Variants in MYOT observed in about 807,000 individuals in gnomAD.
MYOT encodes the protein myotilin.
Under a neutral mutation model 58.0 loss-of-function variants are expected in MYOT, and 36 were observed. The ratio of observed to expected loss-of-function variants is 0.62; its 90% CI spans 0.48 to 0.82. The LOEUF is 0.82. MYOT is among the 40% of genes least tolerant of loss of function. The probability of loss-of-function intolerance (pLI) is 0.00; values close to 1 mark genes in which losing one functional copy is unlikely to be tolerated. For synonymous variants in MYOT, 218 were observed against 204.6 expected (o/e 1.07, Z -0.56); for missense variants, 505 against 592.1 (o/e 0.85, Z 1.53).
Position 137,880,880 on chromosome 5 carries a change from T to C in MYOT, c.683+15T>C. ...TCACAAGTAAGGTAAAAAATTTTAA[T>C]TTTAAAGAAATGTATGTTTTCCTAT... On this transcript the variant is annotated intron_variant, in intron 5 of 9. Coordinates refer to ENST00000239926, the MANE Select transcript of MYOT (RefSeq NM_006790.3). The C allele has an allele frequency of 6.4e-7, 1 of 1,563,668 alleles. No individual in the cohort carries two copies. The highest frequency in any genetic ancestry group is 1.4e-5 in the African/African-American group (1 of 73,804).
intron 7 of MYOT, among the ~76,000 whole-genome samples, chr5:137,885,771 CAAAAAAAAAAAAAA>C (rs71583286): frequency 1.1e-3 from 34 of 30,976 alleles, no homozygotes; most frequent in Non-Finnish European, 1.6e-3. Context: ...GACTCTGTCT[CAAAAAAAAAAAAAA>C]AAAAAAAAAA....
In MYOT at chr5:137,880,868, A is replaced by G; in HGVS notation, c.683+3A>G. On this transcript the variant is annotated splice_donor_region_variant and intron_variant, in intron 5 of 9. Transcript: ENST00000239926. Reference sequence around the variant, plus strand: ...CAAGTTCCTACATCACAAGTAAGGTAAAAAATTTTAATTTTAAAGAAATGT... The same window carrying G: ...CAAGTTCCTACATCACAAGTAAGGTGAAAAATTTTAATTTTAAAGAAATGT... 3 of 1,592,184 alleles carry G rather than the reference A, an allele frequency of 1.9e-6. No individual in the cohort carries two copies. Among genetic ancestry groups the G allele is most frequent in the African/African-American group, 1.3e-5 (1 of 74,492 alleles).
At chr5:137,881,274 T>C (rs189985144) in intron 5 of MYOT, among the ~76,000 whole-genome samples, 3 of 152,370 alleles carry the variant, frequency 2.0e-5, no homozygotes, top group African/African-American at 2.4e-5. Context: ...CTACCATTTC[T>C]AATAGTCATC....
chr5:137,885,499 C>T (rs1379607820), intron 7 of MYOT, among the ~76,000 whole-genome samples: 1 of 151,966 alleles, frequency 6.6e-6, no homozygotes, highest in Admixed American at 6.6e-5. Flanking sequence ...GGGCCAGGCA[C>T]GGTGGCTCAT....
At chr5:137,874,170 A>G (rs1351926347) in intron 2 of MYOT, among the ~76,000 whole-genome samples, 1 of 152,196 alleles carries the variant, frequency 6.6e-6, no homozygotes, top group Non-Finnish European at 1.5e-5. Context: ...AGATTAATAA[A>G]GATTAGTCCC....
intron 7 of MYOT, among the ~76,000 whole-genome samples, chr5:137,885,322 T>TA (rs1222366367): frequency 6.6e-6 from 1 of 152,004 alleles, no homozygotes; most frequent in Non-Finnish European, 1.5e-5. Flanking sequence ...GATTTTTTTT[T>TA]TATAACAATA....
At chr5:137,878,628 T>C (rs1298974013) in intron 4 of MYOT, among the ~76,000 whole-genome samples, 1 of 151,860 alleles carries the variant, frequency 6.6e-6, no homozygotes, top group Admixed American at 6.6e-5. Flanking sequence ...ATCGAGGGGA[T>C]GCTGGCCAAA....
At position 137,886,870 on chromosome 5, in the gene MYOT, T is replaced by C. The variant is rs368763305; in HGVS notation, c.1197T>C (p.Tyr399=). 1 of 1,562,952 alleles carries C rather than the reference T, an allele frequency of 6.4e-7. No individual in the cohort carries two copies. The highest frequency in any genetic ancestry group is 1.7e-5 in the Admixed American group (1 of 59,890). ...TTAAAAATTTTTATTTCAGCTTATA[T>C]CAAGATAACACTGGAAGAGTTACTT... The part of the protein sequence containing the change: ...VQFNTDRISL[Y]QDNTGRVTLL... Residue 399 remains tyrosine (Y), a synonymous_variant, in exon 9 of 10, where the codon TAT becomes TAC. Transcript: ENST00000239926.
chr5:137,872,536 G>A (rs1755082483), intron 2 of MYOT, among the ~76,000 whole-genome samples: 1 of 152,186 alleles, frequency 6.6e-6, no homozygotes, highest in Non-Finnish European at 1.5e-5. Context: ...ATCCACTTTA[G>A]CTGTTCCATT....
chr5:137,887,111 G>C (rs776797523), intron 9 of MYOT, 102 bp from the exon 10 acceptor site: 42 of 1,560,666 alleles, frequency 2.7e-5, no homozygotes, highest in Non-Finnish European at 3.5e-5. Flanking sequence ...TATATAATCA[G>C]TTTTGGTTCT....
chr5:137,886,933 G>T lies in MYOT; in HGVS notation c.1260G>T (p.Trp420Cys). The change falls in exon 9 of 10, where the codon TGG (tryptophan) becomes TGT (cysteine). Residue 420 changes from tryptophan to cysteine, a missense_variant. Transcript: ENST00000239926. ...IKDVNKKDAG[W>C]YTVSAVNEAG... ...ATGTAAACAAGAAAGATGCTGGGTGGTATACTGTGTCAGCAGTTAATGAAG... is the reference window on the plus strand; with the variant it reads ...ATGTAAACAAGAAAGATGCTGGGTGTTATACTGTGTCAGCAGTTAATGAAG... 6.2e-7 allele frequency: 1 copy of T among 1,607,802 alleles called. No individual in the cohort carries two copies. Among genetic ancestry groups the T allele is most frequent in the Middle Eastern group, 1.7e-4 (1 of 6,056 alleles).
Position 137,870,877 on chromosome 5 carries a change from C to A in MYOT, c.226C>A (p.His76Asn). Residue 76 changes from histidine to asparagine, a missense_variant, in exon 2 of 10, where the codon CAT becomes AAT. Transcript: ENST00000239926. ...SSAFPASPQQHAGSNPGQRVT... is the reference protein window; with the variant it reads ...SSAFPASPQQNAGSNPGQRVT... ...TGCTTTCCCTGCTTCTCCCCAGCAG[C>A]ATGCTGGCTCCAACCCAGGCCAAAG... The A allele has an allele frequency of 6.2e-7, 1 of 1,614,192 alleles. No homozygotes were observed. Among genetic ancestry groups the A allele is most frequent in the Non-Finnish European group, 8.5e-7 (1 of 1,180,012 alleles).
At chr5:137,883,039 T>C (rs1452602560) in intron 6 of MYOT, 15 of 269,876 alleles carry the variant, frequency 5.6e-5, no homozygotes, top group South Asian at 8.5e-5. Context: ...GGGACTTCAT[T>C]TGCAGTCACA....
Position 137,880,821 on chromosome 5 carries a change from C to G in MYOT, c.639C>G (p.His213Gln). Residue 213 changes from histidine to glutamine, a missense_variant, in exon 5 of 10, where the codon CAC (histidine) becomes CAG (glutamine). By Grantham distance (24) the His-to-Gln change is conservative. Coordinates refer to ENST00000239926, the MANE Select transcript of MYOT (RefSeq NM_006790.3). ...TACTTTGTTTTAATTTCAAGCAACA[C>G]AACTCAGAACATGCGCGACTGCAAG... Reference protein sequence around the residue: ...DDSGAQDSQQHNSEHARLQVP... With the variant: ...DDSGAQDSQQQNSEHARLQVP... 1 of 1,612,460 alleles carries G rather than the reference C, an allele frequency of 6.2e-7. No homozygotes were observed. The highest frequency in any genetic ancestry group is 1.7e-5 in the Admixed American group (1 of 59,998).
chr5:137,877,649 T>A, intron 4 of MYOT, 28 bp downstream of exon 4: 2 of 1,462,724 alleles, frequency 1.4e-6, no homozygotes, highest in Non-Finnish European at 1.9e-6. Flanking sequence ...AAGTGGAGTA[T>A]TTTTATTCTG....
At position 137,880,782 on chromosome 5, in the gene MYOT, C is replaced by T. The variant is rs769466850; in HGVS notation, c.634-34C>T. The T allele has an allele frequency of 5.8e-6, 9 of 1,553,970 alleles. No homozygotes were observed. In the South Asian group the frequency reaches 6.7e-5, roughly 12 times the overall value. ...TCTGCTTCATTCAAGCTAACAATTG[C>T]ATGTAAACATTCTTACTTTGTTTTA... is the stretch of plus-strand genomic sequence containing the variant. On this transcript the variant is annotated intron_variant, in intron 4 of 9. Coordinates refer to ENST00000239926, the MANE Select transcript of MYOT (RefSeq NM_006790.3).
chr5:137,872,053 C>T (rs1755068207), intron 2 of MYOT, among the ~76,000 whole-genome samples: 1 of 151,618 alleles, frequency 6.6e-6, no homozygotes, highest in African/African-American at 2.4e-5. Flanking sequence ...AGCAATTCAA[C>T]TTGCAAAAAA....
chr5:137,883,463 T>TA lies in MYOT; in HGVS notation c.897dup (p.Val300SerfsTer3). 1 of 1,614,124 alleles carries TA rather than the reference T, an allele frequency of 6.2e-7. No individual in the cohort carries two copies. Among genetic ancestry groups the TA allele is most frequent in the Non-Finnish European group, 8.5e-7 (1 of 1,179,994 alleles). On this transcript the variant is annotated frameshift_variant, in exon 7 of 10. Transcript: ENST00000239926. LOFTEE classifies it high-confidence loss of function. The stretch of plus-strand genomic sequence containing the variant: ...CAATCAGATGATTTGCACAAAATGA[T>TA]AGTGTCTGAGAAGGGTCTTCATTCA...
At chr5:137,870,327 A>ACACACACACAC in intron 1 of MYOT, 114 bp from the exon 2 acceptor site, 2 of 412,614 alleles carry the variant, frequency 4.8e-6, no homozygotes, top group Non-Finnish European at 9.0e-6. Flanking sequence ...ACACACACAC[A>ACACACACACAC]AAAGGAAGGA....
Sources: allele counts gnomAD v4.1 joint callset (sites outside exome capture counted in the v4.1 genomes callset), GRCh38; gene constraint gnomAD v4.1.1; transcripts MANE v1.5; gene names NCBI Gene and HGNC (gene_info 2026-07-23, HGNC 2026-07-21).